UNC5C: variants seen among roughly 807,000 people sequenced by gnomAD.
UNC5C encodes netrin receptor UNC5C.
Under a neutral mutation model 99.8 loss-of-function variants are expected in UNC5C, and 47 were observed. That is an observed-to-expected ratio of 0.47 (90% CI 0.37 to 0.60). UNC5C has a LOEUF of 0.60. Among genes scored for constraint, UNC5C ranks in the 20% least tolerant of loss-of-function variants. UNC5C has a pLI of 0.00. For missense variants in UNC5C, 1,062 were observed against 1,165.9 expected (o/e 0.91, Z 1.30); for synonymous variants, 487 against 452.2 (o/e 1.08, Z -0.98).
intron 1 of UNC5C, among the ~76,000 whole-genome samples, chr4:95,516,354 G>C (rs913711523): frequency 5.9e-5 from 9 of 152,074 alleles, no homozygotes; most frequent in Admixed American, 3.3e-4. Flanking sequence ...GTATTGACTG[G>C]GACAGAAGGT....
At chr4:95,280,182 G>GA (rs1478144852) in intron 3 of UNC5C, among the ~76,000 whole-genome samples, 2 of 151,970 alleles carry the variant, frequency 1.3e-5, no homozygotes, top group Admixed American at 6.6e-5. Context: ...AAAGCACCTG[G>GA]AAAAAAATGC....
chr4:95,332,913 C>T (rs1463305618), intron 2 of UNC5C, among the ~76,000 whole-genome samples: 2 of 152,044 alleles, frequency 1.3e-5, no homozygotes, highest in African/African-American at 4.8e-5. Flanking sequence ...GGGCAAAGGA[C>T]ATGAACAGAC....
intron 4 of UNC5C, among the ~76,000 whole-genome samples, chr4:95,265,210 T>C (rs1308584741): frequency 2.6e-5 from 4 of 152,206 alleles, no homozygotes; most frequent in Non-Finnish European, 4.4e-5. Context: ...AATCGTTATC[T>C]TCAGTCCCAA....
intron 1 of UNC5C, among the ~76,000 whole-genome samples, chr4:95,354,608 A>G (rs1407630929): frequency 6.6e-6 from 1 of 151,114 alleles, no homozygotes; most frequent in African/African-American, 2.4e-5. Context: ...GCCTTATTTG[A>G]GTACTTGGAA....
At chr4:95,406,670 G>A (rs1049315141) in intron 1 of UNC5C, among the ~76,000 whole-genome samples, 143 of 152,202 alleles carry the variant, frequency 9.4e-4, no homozygotes, top group African/African-American at 3.3e-3. Context: ...CATTAACAAC[G>A]TTTACTCATT....
chr4:95,520,403 G>A (rs972144265), intron 1 of UNC5C, among the ~76,000 whole-genome samples: 1 of 152,050 alleles, frequency 6.6e-6, no homozygotes, highest in Non-Finnish European at 1.5e-5. Flanking sequence ...TAGTTGGTGT[G>A]ACAAGCTCCA....
At chr4:95,367,749 G>A (rs1214904138) in intron 1 of UNC5C, among the ~76,000 whole-genome samples, 1 of 151,918 alleles carries the variant, frequency 6.6e-6, no homozygotes, top group Non-Finnish European at 1.5e-5. Flanking sequence ...TTTTCACATA[G>A]GCTAATTTCA....
chr4:95,499,176 G>T (rs556617592), intron 1 of UNC5C, among the ~76,000 whole-genome samples: 15 of 152,180 alleles, frequency 9.9e-5, no homozygotes, highest in African/African-American at 3.6e-4. Flanking sequence ...TTGGAATCTG[G>T]TTATTCTTCA....
chr4:95,171,944 G>C (rs1334456268), intron 14 of UNC5C, among the ~76,000 whole-genome samples: 1 of 151,508 alleles, frequency 6.6e-6, no homozygotes, highest in Non-Finnish European at 1.5e-5. Flanking sequence ...ACTGGTGTGA[G>C]ATGGTATCTC....
intron 1 of UNC5C, among the ~76,000 whole-genome samples, chr4:95,336,185 C>A (rs1445554776): frequency 6.6e-6 from 1 of 151,780 alleles, no homozygotes; most frequent in Non-Finnish European, 1.5e-5. Flanking sequence ...ATTTAAAAAC[C>A]ACTTTAGATA....
intron 1 of UNC5C, among the ~76,000 whole-genome samples, chr4:95,467,115 C>G (rs1472320250): frequency 6.6e-6 from 1 of 152,156 alleles, no homozygotes; most frequent in Non-Finnish European, 1.5e-5. Flanking sequence ...CCTGGTCAAG[C>G]TTTCAGATGG....
chr4:95,219,599 A>C (rs994507607), intron 8 of UNC5C, among the ~76,000 whole-genome samples: 1 of 152,196 alleles, frequency 6.6e-6, no homozygotes, highest in Non-Finnish European at 1.5e-5. Flanking sequence ...AACGAGCCTC[A>C]CTAGGTGACG....
chr4:95,445,990 CA>C (rs906718753), intron 1 of UNC5C, among the ~76,000 whole-genome samples: 1 of 151,082 alleles, frequency 6.6e-6, no homozygotes, highest in African/African-American at 2.4e-5. Context: ...AACAAACAAA[CA>C]AAAAAAACAA....
At chr4:95,427,879 C>T (rs1746528015) in intron 1 of UNC5C, among the ~76,000 whole-genome samples, 1 of 151,906 alleles carries the variant, frequency 6.6e-6, no homozygotes, top group Admixed American at 6.6e-5. Flanking sequence ...CTCTTTAATC[C>T]ATCTGTTATT....
At chr4:95,515,979 A>T (rs1238887164) in intron 1 of UNC5C, among the ~76,000 whole-genome samples, 1 of 152,200 alleles carries the variant, frequency 6.6e-6, no homozygotes, top group African/African-American at 2.4e-5. Context: ...GCATGTATGT[A>T]TGAATATATT....
intron 1 of UNC5C, among the ~76,000 whole-genome samples, chr4:95,404,227 G>A (rs981780081): frequency 6.6e-6 from 1 of 152,070 alleles, no homozygotes; most frequent in Non-Finnish European, 1.5e-5. Context: ...AACCATCAAA[G>A]GGAAATAGAA....
intron 1 of UNC5C, among the ~76,000 whole-genome samples, chr4:95,374,944 A>G (rs529342447): frequency 4.6e-5 from 7 of 152,364 alleles, no homozygotes; most frequent in Non-Finnish European, 1.0e-4. Context: ...AGGTTGAACT[A>G]TAATGCTGAA....
At chr4:95,200,068 A>G (rs1189423342) in intron 12 of UNC5C, among the ~76,000 whole-genome samples, 3 of 152,172 alleles carry the variant, frequency 2.0e-5, no homozygotes, top group African/African-American at 7.2e-5. Flanking sequence ...CATGGTGAAC[A>G]GATGATGGCA....
chr4:95,303,491 C>T (rs1741949320), intron 2 of UNC5C, among the ~76,000 whole-genome samples: 1 of 152,032 alleles, frequency 6.6e-6, no homozygotes, highest in Non-Finnish European at 1.5e-5. Context: ...GTCTTGCCAA[C>T]ATGGTGAAAC....
Sources: allele counts gnomAD v4.1 joint callset (sites outside exome capture counted in the v4.1 genomes callset), GRCh38; gene constraint gnomAD v4.1.1; transcripts MANE v1.5; gene names NCBI Gene and HGNC (gene_info 2026-07-23, HGNC 2026-07-21).